MAN2A1: variants seen among roughly 807,000 people sequenced by gnomAD.
The protein encoded by MAN2A1 is mannosidase alpha class 2A member 1, also known as alpha-mannosidase 2.
A neutral mutation model predicts 142.6 loss-of-function variants in MAN2A1; 76 were observed. The observed-to-expected ratio is 0.53, with a 90% CI of 0.44 to 0.65. MAN2A1 has a LOEUF of 0.65. Among genes scored for constraint, MAN2A1 ranks in the 30% least tolerant of loss-of-function variants. The pLI is 0.00. For synonymous variants in MAN2A1, 559 were observed against 473.2 expected, an observed-to-expected ratio of 1.18 and a Z score of -2.35; for missense variants, 1,311 against 1,365.1, an observed-to-expected ratio of 0.96 and a Z score of 0.62.
intron 16 of MAN2A1, 26 bp downstream of exon 16, chr5:109,823,863 A>G (rs558528462): frequency 5.1e-5 from 59 of 1,158,738 alleles, no homozygotes; most frequent in Non-Finnish European, 6.9e-5. Flanking sequence ...TGCAGTTATG[A>G]AACATATGTA....
intron 1 of MAN2A1, among the ~76,000 whole-genome samples, chr5:109,704,224 C>T (rs1751065523): frequency 6.6e-6 from 1 of 152,324 alleles, no homozygotes; most frequent in East Asian, 1.9e-4. Flanking sequence ...GGCACTCTTA[C>T]CTGCATCTGA....
At chr5:109,733,109 T>C (rs1159879993) in intron 4 of MAN2A1, among the ~76,000 whole-genome samples, 1 of 152,126 alleles carries the variant, frequency 6.6e-6, no homozygotes, top group Non-Finnish European at 1.5e-5. Context: ...CTAGGTATTT[T>C]ATTCTCTTTG....
At chr5:109,803,873 C>A (rs931028723) in intron 12 of MAN2A1, among the ~76,000 whole-genome samples, 26 of 152,052 alleles carry the variant, frequency 1.7e-4, no homozygotes, top group African/African-American at 6.0e-4. Flanking sequence ...AACTAAATAT[C>A]TGGAGTATGA....
chr5:109,714,011 T>C (rs1313564625), intron 2 of MAN2A1, among the ~76,000 whole-genome samples: 1 of 152,138 alleles, frequency 6.6e-6, no homozygotes, highest in Non-Finnish European at 1.5e-5. Context: ...GAATACAGTC[T>C]TTTTGTATGC....
intron 4 of MAN2A1, among the ~76,000 whole-genome samples, chr5:109,731,084 T>C (rs903968923): frequency 2.0e-5 from 3 of 152,150 alleles, no homozygotes; most frequent in African/African-American, 4.8e-5. Flanking sequence ...TTTTTAGTTA[T>C]TATGGATACA....
intron 1 of MAN2A1, among the ~76,000 whole-genome samples, chr5:109,690,787 C>T (rs1750647005): frequency 1.3e-5 from 2 of 152,134 alleles, no homozygotes; most frequent in Non-Finnish European, 2.9e-5. Flanking sequence ...CATCATCCCG[C>T]TCAGGAAAGT....
chr5:109,826,259 G>A (rs1424540774), intron 16 of MAN2A1, among the ~76,000 whole-genome samples: 1 of 151,476 alleles, frequency 6.6e-6, no homozygotes, highest in African/African-American at 2.4e-5. Context: ...TCTCTTCCTT[G>A]GTGTTCTCGG....
Position 109,855,220 on chromosome 5 carries a change from A to G in MAN2A1, c.3057A>G (p.Pro1019=). The G allele has an allele frequency of 1.2e-6, 2 of 1,603,730 alleles. No individual in the cohort carries two copies. The highest frequency in any genetic ancestry group is 1.7e-5 in the Admixed American group (1 of 58,762). ...TSSLMNHPVI[P]MANKFSSPTL... ...CTCTCATGAATCATCCAGTCATTCC[A>G]ATGGCAAATAAGTTCTCCTCACCTA... The change falls in exon 20 of 22, where the codon CCA becomes CCG. Residue 1019 remains proline (P), a synonymous_variant. Transcript: ENST00000261483.
At chr5:109,866,345 C>G (rs774978539) in intron 21 of MAN2A1, among the ~76,000 whole-genome samples, 1 of 152,108 alleles carries the variant, frequency 6.6e-6, no homozygotes, top group African/African-American at 2.4e-5. Flanking sequence ...GACTCAATGA[C>G]ATAATGATCC....
intron 7 of MAN2A1, among the ~76,000 whole-genome samples, chr5:109,773,241 A>C (rs956427647): frequency 2.6e-5 from 4 of 152,136 alleles, no homozygotes; most frequent in African/African-American, 7.2e-5. Flanking sequence ...CCCAGTGTTG[A>C]CACTTTCTGG....
At chr5:109,778,830 T>C (rs140910835) in intron 8 of MAN2A1, among the ~76,000 whole-genome samples, 3 of 152,238 alleles carry the variant, frequency 2.0e-5, no homozygotes, top group East Asian at 3.9e-4. Flanking sequence ...AGCATAAATT[T>C]AATATTTTCT....
Position 109,767,497 on chromosome 5 carries a change from C to T in MAN2A1, c.836-38C>T, listed in dbSNP as rs770499601. Reference sequence around the variant, plus strand: ...TGTGACTTCTTTTTATTTCATATATCAATTAAAAAAATTAACACTTATCAT... The same window carrying T: ...TGTGACTTCTTTTTATTTCATATATTAATTAAAAAAATTAACACTTATCAT... On this transcript the variant is annotated intron_variant, in intron 5 of 21. Transcript: ENST00000261483. 5.2e-6 allele frequency: 8 copies of T among 1,546,026 alleles called. No homozygotes were observed. In the South Asian group the frequency reaches 9.4e-5, roughly 18 times the overall value.
chr5:109,744,115 T>C (rs544879242), intron 4 of MAN2A1, among the ~76,000 whole-genome samples: 1 of 152,302 alleles, frequency 6.6e-6, no homozygotes, highest in South Asian at 2.1e-4. Flanking sequence ...CTCTGAAACC[T>C]TCCCTTATTT....
chr5:109,719,303 T>C (rs529237947), intron 3 of MAN2A1, among the ~76,000 whole-genome samples: 2 of 152,352 alleles, frequency 1.3e-5, no homozygotes, highest in East Asian at 3.9e-4. Flanking sequence ...ACTACAGTGA[T>C]TTTTGCTGTC....
In MAN2A1 at chr5:109,781,599, G is replaced by T; in HGVS notation, c.1577+1G>T. On this transcript the variant is annotated splice_donor_variant, in intron 9 of 21. Coordinates refer to ENST00000261483, the MANE Select transcript of MAN2A1 (RefSeq NM_002372.4). LOFTEE classifies it high-confidence loss of function. ...ACAGAATCATGGAATCTCATTTAAG[G>T]TACTTTTACCTTTCTATAGCTACAT... 6.3e-7 allele frequency: 1 copy of T among 1,580,640 alleles called. No homozygotes were observed.
At chr5:109,699,707 G>A (rs1349890332) in intron 1 of MAN2A1, 2 of 156,868 alleles carry the variant, frequency 1.3e-5, no homozygotes, top group African/African-American at 2.4e-5. Context: ...TGAGCATGCA[G>A]CTTCAGGAGG....
intron 7 of MAN2A1, among the ~76,000 whole-genome samples, chr5:109,774,235 G>T (rs1753223181): frequency 6.6e-6 from 1 of 151,962 alleles, no homozygotes; most frequent in Non-Finnish European, 1.5e-5. Context: ...TTTTTCTTTA[G>T]AAGAGGAAAT....
intron 12 of MAN2A1, among the ~76,000 whole-genome samples, chr5:109,804,595 A>G (rs1754116373): frequency 6.6e-6 from 1 of 152,104 alleles, no homozygotes; most frequent in Non-Finnish European, 1.5e-5. Context: ...ATTGGGTTGT[A>G]TAGTAGGGAG....
At position 109,745,942 on chromosome 5, in the gene MAN2A1, A is replaced by G. The variant is rs994003081; in HGVS notation, c.708-9387A>G. ...CCAAGACATTTTTAAATAAATTTTCATGACTATTTTTAAGCTACAGTTCTG... is the reference window on the plus strand; with the variant it reads ...CCAAGACATTTTTAAATAAATTTTCGTGACTATTTTTAAGCTACAGTTCTG... On this transcript the variant is annotated intron_variant, in intron 4 of 21. Coordinates refer to ENST00000261483, the MANE Select transcript of MAN2A1 (RefSeq NM_002372.4). Among the ~76,000 whole-genome samples, 7 of 152,124 alleles carry G rather than the reference A, an allele frequency of 4.6e-5. 1 individual carries two copies. The highest frequency in any genetic ancestry group is 3.9e-4 in the Admixed American group (6 of 15,270).
Sources: allele counts gnomAD v4.1 joint callset (sites outside exome capture counted in the v4.1 genomes callset), GRCh38; gene constraint gnomAD v4.1.1; transcripts MANE v1.5; gene names NCBI Gene and HGNC (gene_info 2026-07-23, HGNC 2026-07-21).